Variants in KIF3A observed in about 807,000 individuals in gnomAD.
The protein encoded by KIF3A is kinesin family member 3A, also known as kinesin-like protein KIF3A.
Under a neutral mutation model 92.6 loss-of-function variants are expected in KIF3A, and 27 were observed. That is an observed-to-expected ratio of 0.29 (90% confidence interval 0.21 to 0.40). KIF3A has a LOEUF of 0.40. Ranked by LOEUF, KIF3A falls within the 10% of genes least tolerant of loss-of-function variation. The pLI is 1.00. For missense variants in KIF3A, 581 were observed against 872.6 expected, an observed-to-expected ratio of 0.67 and a Z score of 4.21; for synonymous variants, 250 against 275.4, an observed-to-expected ratio of 0.91 and a Z score of 0.92.
At chr5:132,703,862 C>A (rs1753126037) in intron 11 of KIF3A, among the ~76,000 whole-genome samples, 1 of 150,808 alleles carries the variant, frequency 6.6e-6, no homozygotes, top group Non-Finnish European at 1.5e-5. Flanking sequence ...AGAACAAAAG[C>A]GAAAGAGAAG....
chr5:132,709,879 C>G (rs1433575681), intron 9 of KIF3A, among the ~76,000 whole-genome samples: 1 of 152,130 alleles, frequency 6.6e-6, no homozygotes. Context: ...TGCCATAAAT[C>G]ATTATTTTTC....
rs952757507 is a variant in KIF3A at position 132,693,240 on chromosome 5, G to A, written c.*3394C>T. 6.6e-6 allele frequency: 1 copy of A among 151,920 alleles called. No homozygotes were observed. Among genetic ancestry groups the A allele is most frequent in the African/African-American group, 2.4e-5 (1 of 41,332 alleles). The allele number at this position is 151,920 out of a possible 1,614,324, so 9.4% of individuals were successfully genotyped here. On this transcript the variant is annotated 3_prime_UTR_variant, in exon 19 of 19. Transcript: ENST00000403231. The stretch of plus-strand genomic sequence containing the variant: ...GCTTGTCAAATGGATTCTATTCATG[G>A]GGCAAACATGGAGATGCGACCCTTC...
intron 1 of KIF3A, among the ~76,000 whole-genome samples, chr5:132,736,449 G>T (rs972146425): frequency 1.3e-5 from 2 of 152,088 alleles, no homozygotes; most frequent in Admixed American, 6.5e-5. Context: ...TGTGTCTTAC[G>T]TCTGTAAATA....
chr5:132,701,780 G>C (rs1397891554), intron 15 of KIF3A, among the ~76,000 whole-genome samples: 1 of 152,020 alleles, frequency 6.6e-6, no homozygotes, highest in African/African-American at 2.4e-5. Flanking sequence ...CCACAGCAGG[G>C]AGAAAAAGGC....
intron 7 of KIF3A, 150 bp downstream of exon 7, chr5:132,716,095 G>T: frequency 1.2e-6 from 1 of 817,108 alleles, no homozygotes; most frequent in Non-Finnish European, 1.9e-6. Context: ...ACTATTATGG[G>T]CTAATACACG....
chr5:132,715,941 T>C lies in KIF3A; in HGVS notation c.955-10A>G, dbSNP rs1327886782. On this transcript the variant is annotated splice_polypyrimidine_tract_variant and intron_variant, in intron 7 of 18. Coordinates refer to ENST00000403231, the MANE Select transcript of KIF3A (RefSeq NM_001300791.2). The stretch of plus-strand genomic sequence containing the variant: ...GCCCAATATTTGCACACTATTGAAT[T>C]AGAAATATGAAACAAATCATTTTAC... 1.9e-6 allele frequency: 3 copies of C among 1,543,628 alleles called. No individual in the cohort carries two copies. Among genetic ancestry groups the C allele is most frequent in the South Asian group, 2.4e-5 (2 of 83,260 alleles).
intron 5 of KIF3A, among the ~76,000 whole-genome samples, chr5:132,717,635 GT>G (rs1753673863): frequency 6.7e-6 from 1 of 150,032 alleles, no homozygotes; most frequent in Non-Finnish European, 1.5e-5. Context: ...TCCTACTTCT[GT>G]AAAAAAAAAA....
At chr5:132,715,621 T>C in intron 8 of KIF3A, 136 bp downstream of exon 8, 1 of 607,962 alleles carries the variant, frequency 1.6e-6, no homozygotes, top group Non-Finnish European at 2.8e-6. Flanking sequence ...ACCAAGTCAC[T>C]TTCTAGAAAT....
intron 8 of KIF3A, among the ~76,000 whole-genome samples, chr5:132,712,047 A>G (rs1753444295): frequency 6.6e-6 from 1 of 152,244 alleles, no homozygotes; most frequent in African/African-American, 2.4e-5. Flanking sequence ...CAACCAGGTA[A>G]TAATTGTACC....
At position 132,726,521 on chromosome 5, in the gene KIF3A, G is replaced by A. The variant is rs1323068077; in HGVS notation, c.281-23C>T. The A allele has an allele frequency of 5.0e-6, 8 of 1,605,798 alleles. No homozygotes were observed. In the South Asian group the frequency reaches 8.8e-5, roughly 18 times the overall value. ...TCCCTGAAAATGATGAAGAGAATCAGTTACTTCTTAAAGTCTAATGCTACA... is the reference window on the plus strand; with the variant it reads ...TCCCTGAAAATGATGAAGAGAATCAATTACTTCTTAAAGTCTAATGCTACA... On this transcript the variant is annotated intron_variant, in intron 2 of 18. Transcript: ENST00000403231.
In KIF3A at chr5:132,711,010, C is replaced by G; in HGVS notation, c.1177G>C (p.Asp393His). Residue 393 changes from aspartate to histidine, a missense_variant, in exon 9 of 19, where the codon GAT becomes CAT. This residue lies in a region of KIF3A where 167 missense variants were observed against 205.8 expected (regional missense o/e 0.81). Transcript: ENST00000403231. The stretch of plus-strand genomic sequence containing the variant: ...TCTTCTCCAACCTCACCCTCTTCAT[C>G]ATCATCTTCCTCTGACCCACTGATA... ...SDISGSEEDD[D>H]EEGEVGEDGE... The G allele has an allele frequency of 6.2e-7, 1 of 1,611,848 alleles. No individual in the cohort carries two copies. Among genetic ancestry groups the G allele is most frequent in the Middle Eastern group, 1.7e-4 (1 of 6,056 alleles).
rs1277866459 is a variant in KIF3A at position 132,696,651 on chromosome 5, C to T, written c.2164G>A (p.Asp722Asn). 1.2e-6 allele frequency: 2 copies of T among 1,608,690 alleles called. No individual in the cohort carries two copies. Among genetic ancestry groups the T allele is most frequent in the South Asian group, 2.2e-5 (2 of 90,798 alleles). The change falls in exon 19 of 19, where the codon GAC (aspartate) becomes AAC (asparagine). Residue 722 changes from aspartate (D) to asparagine (N), a missense_variant. By Grantham distance (23) the Asp-to-Asn change is conservative. This residue lies in a region of KIF3A where 112 missense variants were observed against 144.3 expected (regional missense o/e 0.78). Transcript: ENST00000403231. ...TGTAACATTTACTGCAGTAAAGAGT[C>T]AATTACAGTTTCAGGCTTTGCAGAA... ...KRSAKPETVI[D>N]SLLQ
intron 7 of KIF3A, 121 bp from the exon 8 acceptor site, chr5:132,716,052 T>C: frequency 1.1e-6 from 1 of 876,298 alleles, no homozygotes; most frequent in South Asian, 1.8e-5. Flanking sequence ...TTCTCGAAAA[T>C]GAGAGTGTCA....
At chr5:132,689,657 A>C (rs1382826150), downstream of KIF3A, 1 of 152,240 alleles carries the variant, frequency 6.6e-6, no homozygotes, top group African/African-American at 2.4e-5. Flanking sequence ...CCGACAACAC[A>C]GGCAGTAACA....
At chr5:132,690,090 T>C (rs1752626389), downstream of KIF3A, among the ~76,000 whole-genome samples, 1 of 152,062 alleles carries the variant, frequency 6.6e-6, no homozygotes, top group South Asian at 2.1e-4. Flanking sequence ...TGGTGTTGCG[T>C]CTGTAGTACC....
At chr5:132,724,008 T>C (rs915323585) in intron 4 of KIF3A, among the ~76,000 whole-genome samples, 6 of 152,190 alleles carry the variant, frequency 3.9e-5, no homozygotes, top group African/African-American at 1.4e-4. Context: ...CAGACACTTC[T>C]CAAAAGAAGA....
intron 4 of KIF3A, among the ~76,000 whole-genome samples, chr5:132,721,131 G>A (rs914084322): frequency 2.0e-5 from 3 of 152,146 alleles, no homozygotes; most frequent in African/African-American, 7.2e-5. Context: ...AAAAGACAAT[G>A]TGGCTGGAGA....
intron 2 of KIF3A, among the ~76,000 whole-genome samples, chr5:132,731,481 A>G (rs576950508): frequency 3.9e-5 from 6 of 152,348 alleles, no homozygotes; most frequent in African/African-American, 1.4e-4. Flanking sequence ...AACTAAGAAT[A>G]GAAGGGAACT....
intron 6 of KIF3A, 141 bp downstream of exon 6, chr5:132,716,704 C>T: frequency 1.0e-6 from 1 of 963,862 alleles, no homozygotes; most frequent in South Asian, 1.6e-5. Flanking sequence ...TTGAAATGTT[C>T]CATAATAAAT....
Sources: gnomAD v4.1 joint callset for allele counts (sites outside exome capture counted in the v4.1 genomes callset) on GRCh38, gnomAD v4.1.1 for gene constraint, gnomAD v4.1.1 regional missense constraint, MANE v1.5 for transcripts, NCBI Gene and HGNC (gene_info 2026-07-23, HGNC 2026-07-21) for gene names.